Variants in STIM1 observed in about 807,000 individuals in gnomAD.
STIM1 encodes the protein stromal interaction molecule 1.
Under a neutral mutation model 74.7 loss-of-function variants are expected in STIM1, and 25 were observed. That is an observed-to-expected ratio of 0.33 (90% CI 0.24 to 0.47). The LOEUF (loss-of-function observed/expected upper bound fraction) is 0.47, where lower values mean the gene tolerates loss of function less well. STIM1 is among the 20% of genes least tolerant of loss of function. The pLI, the probability that STIM1 is intolerant of heterozygous loss-of-function variation, is 1.00. For missense variants in STIM1, 728 were observed against 920.8 expected, an observed-to-expected ratio of 0.79 and a Z score of 2.71; for synonymous variants, 328 against 348.8, an observed-to-expected ratio of 0.94 and a Z score of 0.66.
intron 2 of STIM1, among the ~76,000 whole-genome samples, chr11:3,981,862 A>G (rs186535097): frequency 3.0e-4 from 45 of 152,330 alleles, no homozygotes; most frequent in Non-Finnish European, 5.7e-4. Context: ...AAAAAGGAAA[A>G]CACTGAGAAT....
intron 1 of STIM1, among the ~76,000 whole-genome samples, chr11:3,881,105 A>AG (rs1215149092): frequency 1.3e-5 from 2 of 151,854 alleles, no homozygotes; most frequent in African/African-American, 4.8e-5. Flanking sequence ...AAAAAAAAAA[A>AG]AAAGGAAAAT....
intron 3 of STIM1, among the ~76,000 whole-genome samples, chr11:4,028,248 A>AT (rs1453483457): frequency 2.6e-5 from 4 of 151,466 alleles, no homozygotes; most frequent in Non-Finnish European, 5.9e-5. Flanking sequence ...CGTCCAGCTA[A>AT]TTTTTGTATT....
At chr11:3,988,459 CT>C (rs920878658) in intron 2 of STIM1, among the ~76,000 whole-genome samples, 1 of 151,220 alleles carries the variant, frequency 6.6e-6, no homozygotes, top group Non-Finnish European at 1.5e-5. Context: ...TATTGTAATT[CT>C]TTTTTTTTAA....
chr11:3,877,243 C>CATTATTATTATT (rs147307800), intron 1 of STIM1, among the ~76,000 whole-genome samples: 4 of 150,028 alleles, frequency 2.7e-5, no homozygotes, highest in African/African-American at 7.3e-5. Context: ...TACAGAACAA[C>CATTATTATTATT]ATTATTATTA....
chr11:3,998,324 T>C (rs1342207648), intron 2 of STIM1, among the ~76,000 whole-genome samples: 1 of 152,230 alleles, frequency 6.6e-6, no homozygotes, highest in Non-Finnish European at 1.5e-5. Context: ...TCATGTTACA[T>C]TGAATCCAAG....
At chr11:4,000,921 G>A (rs1204252844) in intron 2 of STIM1, among the ~76,000 whole-genome samples, 15 of 152,052 alleles carry the variant, frequency 9.9e-5, no homozygotes, top group Admixed American at 2.6e-4. Context: ...GCCAAGGCTC[G>A]AGAACTACGT....
At chr11:4,085,949 C>T (rs2094490851) in intron 11 of STIM1, among the ~76,000 whole-genome samples, 1 of 152,120 alleles carries the variant, frequency 6.6e-6, no homozygotes. Context: ...TCTATAGTCT[C>T]CCAGAAACTG....
chr11:4,000,713 G>A (rs1189875106), intron 2 of STIM1, among the ~76,000 whole-genome samples: 18 of 147,470 alleles, frequency 1.2e-4, no homozygotes, highest in East Asian at 4.0e-4. Context: ...TTCCTCACCA[G>A]CAACGGAACA....
At chr11:3,904,148 G>A (rs1168705350) in intron 1 of STIM1, among the ~76,000 whole-genome samples, 5 of 132,614 alleles carry the variant, frequency 3.8e-5, no homozygotes, top group Non-Finnish European at 7.7e-5. Flanking sequence ...AGTGAGCCGA[G>A]ATCGCTCCAC....
At chr11:4,062,401 C>T (rs577989248) in intron 5 of STIM1, among the ~76,000 whole-genome samples, 1 of 152,298 alleles carries the variant, frequency 6.6e-6, no homozygotes, top group East Asian at 1.9e-4. Context: ...GGGCAGATCA[C>T]CTGAGGACAG....
At chr11:4,025,876 A>G (rs1030967787) in intron 3 of STIM1, among the ~76,000 whole-genome samples, 1 of 152,212 alleles carries the variant, frequency 6.6e-6, no homozygotes, top group Non-Finnish European at 1.5e-5. Context: ...CTCATTAACC[A>G]TGAGTGGAGA....
chr11:4,017,576 A>T (rs551169503), intron 2 of STIM1, among the ~76,000 whole-genome samples: 4 of 152,336 alleles, frequency 2.6e-5, no homozygotes, highest in Admixed American at 6.5e-5. Context: ...GAGTTATCTG[A>T]TAATGGGAGA....
chr11:3,963,268 G>A (rs2093307040), intron 1 of STIM1, among the ~76,000 whole-genome samples: 3 of 152,124 alleles, frequency 2.0e-5, no homozygotes, highest in Admixed American at 6.5e-5. Context: ...GCCCCAGTGT[G>A]TGTTGTTTCC....
chr11:3,872,105 C>T (rs2091119848), intron 1 of STIM1, among the ~76,000 whole-genome samples: 1 of 152,070 alleles, frequency 6.6e-6, no homozygotes, highest in African/African-American at 2.4e-5. Flanking sequence ...CAGGCTGAAG[C>T]ACAGTGGTGT....
At chr11:4,001,567 A>G (rs7123265) in intron 2 of STIM1, among the ~76,000 whole-genome samples, 1,812 of 152,340 alleles carry the variant, frequency 0.012, 29 homozygotes, top group African/African-American at 0.041. Context: ...GGTCTGCCCT[A>G]AAAGAGCTCC....
At chr11:4,023,321 CTG>C (rs1312585038) in intron 2 of STIM1, among the ~76,000 whole-genome samples, 1 of 147,374 alleles carries the variant, frequency 6.8e-6, no homozygotes, top group African/African-American at 2.5e-5. Context: ...GAGCGAGACT[CTG>C]TCTCAAGACA....
chr11:3,898,375 T>C (rs2092251052), intron 1 of STIM1, among the ~76,000 whole-genome samples: 1 of 97,730 alleles, frequency 1.0e-5, no homozygotes, highest in Non-Finnish European at 2.0e-5. Context: ...TGTTTTTTTC[T>C]TGTAAATTTG....
At chr11:3,891,617 C>T (rs2091899085) in intron 1 of STIM1, among the ~76,000 whole-genome samples, 1 of 152,086 alleles carries the variant, frequency 6.6e-6, no homozygotes, top group Admixed American at 6.6e-5. Flanking sequence ...CTTTGATATC[C>T]TCCTACCAGA....
intron 3 of STIM1, among the ~76,000 whole-genome samples, chr11:4,039,022 A>G (rs1168716661): frequency 3.3e-5 from 5 of 152,192 alleles, no homozygotes; most frequent in African/African-American, 9.7e-5. Context: ...TGGCTTTCCT[A>G]TTGGTCGGAT....
Sources: gnomAD v4.1 joint callset for allele counts (sites outside exome capture counted in the v4.1 genomes callset) on GRCh38, gnomAD v4.1.1 for gene constraint, MANE v1.5 for transcripts, NCBI Gene and HGNC (gene_info 2026-07-23, HGNC 2026-07-21) for gene names.